The following RAB26 variants were observed in gnomAD, a reference collection of about 807,000 sequenced individuals.
RAB26 encodes the protein ras-related protein Rab-26.
RAB26 carries 39 observed loss-of-function variants against 33.1 expected under a neutral mutation model. That is an observed-to-expected ratio of 1.18 (90% CI 0.91 to 1.54). The LOEUF (loss-of-function observed/expected upper bound fraction) is 1.54, where lower values mean the gene tolerates loss of function less well. Ranked by LOEUF, RAB26 falls within the 40% of genes most tolerant of loss-of-function variation. The pLI, the probability that RAB26 is intolerant of heterozygous loss-of-function variation, is 0.00. For synonymous variants in RAB26, 192 were observed against 151.9 expected, an observed-to-expected ratio of 1.26 and a Z score of -1.94; for missense variants, 468 against 362.9, an observed-to-expected ratio of 1.29 and a Z score of -2.35.
Position 2,151,875 on chromosome 16 carries a change from T to A in RAB26, c.435T>A (p.Asp145Glu), listed in dbSNP as rs767417290. Residue 145 changes from aspartate to glutamate, a missense_variant, in exon 5 of 9, where the codon GAT becomes GAA. By Grantham distance (45) the Asp-to-Glu change is conservative (BLOSUM62 2). Transcript: ENST00000210187. ...CCCCAGCTCTGCTGCTGCTCTACGATGTCACCAACAAGGCCTCCTTTGACA... is the reference window on the plus strand; with the variant it reads ...CCCCAGCTCTGCTGCTGCTCTACGAAGTCACCAACAAGGCCTCCTTTGACA... ...RDAHALLLLY[D>E]VTNKASFDNI... 3 of 1,614,158 alleles carry A rather than the reference T, an allele frequency of 1.9e-6. No individual in the cohort carries two copies. Among genetic ancestry groups the A allele is most frequent in the Non-Finnish European group, 1.7e-6 (2 of 1,180,046 alleles).
intron 2 of RAB26, chr16:2,151,010 C>A (rs901980428): frequency 3.0e-6 from 1 of 329,944 alleles, no homozygotes; most frequent in Non-Finnish European, 6.0e-6. Flanking sequence ...TGGGAGGGCC[C>A]GGCTGGGGAC....
chr16:2,149,157 G>C lies in RAB26; in HGVS notation c.195+179G>C, dbSNP rs542845162. ...ACACACAGCTGTCCATCCCAGGTCT[G>C]GGGTATCCAACAGCTGGCAGGGCCT... On this transcript the variant is annotated intron_variant, in intron 1 of 8. Coordinates refer to ENST00000210187, the MANE Select transcript of RAB26 (RefSeq NM_014353.5). Among the ~76,000 whole-genome samples the C allele has an allele frequency of 7.2e-5, 11 of 152,198 alleles. No homozygotes were observed. The East Asian group carries it at 2.1e-3, about 30-fold the overall frequency.
Position 2,153,755 on chromosome 16 carries a change from G to A in RAB26, c.*334G>A, listed in dbSNP as rs779623560. On this transcript the variant is annotated 3_prime_UTR_variant, in exon 9 of 9. Transcript: ENST00000210187. ...GGCTGGGGCTGGCACCACGCACAGTGCCTAACCCTAGAAAAGCCATGTCTT... is the reference window on the plus strand; with the variant it reads ...GGCTGGGGCTGGCACCACGCACAGTACCTAACCCTAGAAAAGCCATGTCTT... The A allele has an allele frequency of 1.9e-5, 10 of 523,906 alleles. No individual in the cohort carries two copies. The highest frequency in any genetic ancestry group is 3.7e-5 in the Non-Finnish European group (10 of 272,168). The allele number at this position is 523,906 out of a possible 1,614,324, so 32.5% of individuals were successfully genotyped here.
intron 2 of RAB26, chr16:2,151,144 G>A: frequency 2.2e-6 from 1 of 455,668 alleles, no homozygotes; most frequent in South Asian, 1.6e-5. Context: ...GTCTCACTCT[G>A]TCGCCCTGGC....
rs1182035785 is a variant in RAB26, at chr16:2,153,554, A to C, written c.*133A>C. 3.1e-5 allele frequency: 25 copies of C among 806,528 alleles called. No homozygotes were observed. Among genetic ancestry groups the C allele is most frequent in the Non-Finnish European group, 5.0e-5 (25 of 503,630 alleles). The allele number at this position is 806,528 out of a possible 1,614,324, so 50.0% of individuals were successfully genotyped here. A position where few individuals can be genotyped will look rare whatever the true frequency, so the allele number is the denominator to read the frequency against. On this transcript the variant is annotated 3_prime_UTR_variant, in exon 9 of 9. Coordinates refer to ENST00000210187, the MANE Select transcript of RAB26 (RefSeq NM_014353.5). ...GTCTGTTTTCAGGAGCCCCAGGTCA[A>C]GCCTTGTCCCTTCCTCCTCCCAGCA...
In RAB26 at chr16:2,152,876, G is replaced by A; in HGVS notation, c.525G>A (p.Leu175=). 1 of 1,606,442 alleles carries A rather than the reference G, an allele frequency of 6.2e-7. No homozygotes were observed. Among genetic ancestry groups the A allele is most frequent in the Admixed American group, 1.7e-5 (1 of 58,960 alleles). ...YAQHDVALML[L]GNKVDSAHER... is the part of the protein sequence containing the mutation. ...AGCACGACGTGGCGCTCATGCTGCT[G>A]GGGAACAAGGTGGGAGGCCCGGCTG... Residue 175 remains leucine (L), a synonymous_variant, in exon 6 of 9, where the codon CTG becomes CTA. Coordinates refer to ENST00000210187, the MANE Select transcript of RAB26 (RefSeq NM_014353.5).
intron 2 of RAB26, 23 bp from the exon 3 acceptor site, chr16:2,151,546 C>A (rs749214003): frequency 1.2e-6 from 2 of 1,613,398 alleles, no homozygotes; most frequent in East Asian, 4.5e-5. Flanking sequence ...CATGCCAGAG[C>A]TGCCTGGTTC....
At chr16:2,149,878 C>A (rs2092998993) in intron 1 of RAB26, 63 bp from the exon 2 acceptor site, 3 of 1,304,410 alleles carry the variant, frequency 2.3e-6, no homozygotes, top group Middle Eastern at 2.5e-4. Context: ...CACCTGCAGC[C>A]CCCTTCTGAC....
intron 2 of RAB26, chr16:2,151,042 C>G (rs2093003260): frequency 5.7e-6 from 2 of 352,036 alleles, no homozygotes; most frequent in South Asian, 4.2e-5. Flanking sequence ...GTTCTGGGAT[C>G]TGCGGTTACT....
intron 2 of RAB26, among the ~76,000 whole-genome samples, chr16:2,150,644 C>G (rs2093001996): frequency 6.6e-6 from 1 of 152,258 alleles, no homozygotes; most frequent in Non-Finnish European, 1.5e-5. Flanking sequence ...CAAGTCCCCT[C>G]AAGTCCTCTG....
At position 2,151,629 on chromosome 16, in the gene RAB26, G is replaced by C. The variant is rs367971919; in HGVS notation, c.348+19G>C. On this transcript the variant is annotated intron_variant, in intron 3 of 8. Transcript: ENST00000210187. ...GCTGCAGGTAAGGTGACTGGCAGAGGACAAGTTGGGGGACAGGGGACACCA... is the reference window on the plus strand; with the variant it reads ...GCTGCAGGTAAGGTGACTGGCAGAGCACAAGTTGGGGGACAGGGGACACCA... The C allele has an allele frequency of 3.7e-6, 6 of 1,613,940 alleles. No homozygotes were observed. Among genetic ancestry groups the C allele is most frequent in the Non-Finnish European group, 5.1e-6 (6 of 1,180,040 alleles).
chr16:2,153,474 G>T lies in RAB26; in HGVS notation c.*53G>T. ...AAGCCGTCCAGTCCCTAGAAGGCTG[G>T]ACAGAGGGTCTCCAGGCCCTTCTGA... On this transcript the variant is annotated 3_prime_UTR_variant, in exon 9 of 9. Transcript: ENST00000210187. The T allele has an allele frequency of 1.3e-6, 2 of 1,544,918 alleles. No homozygotes were observed.
Position 2,152,820 on chromosome 16 carries a change from GC to G in RAB26, c.471del (p.Trp158GlyfsTer2). 1 of 1,605,310 alleles carries G rather than the reference GC, an allele frequency of 6.2e-7. No individual in the cohort carries two copies. Among genetic ancestry groups the G allele is most frequent in the Non-Finnish European group, 8.5e-7 (1 of 1,177,658 alleles). ...CAGCCTGGTCTGCTGCCTCCCACAG[GC>G]CTGGCTGACCGAGATCCACGAGTAC... ...TNKASFDNIQ[A>X]WLTEIHEYAQ... On this transcript the variant is annotated frameshift_variant and splice_region_variant, in exon 6 of 9. Transcript: ENST00000210187. LOFTEE classifies it high-confidence loss of function.
At chr16:2,149,918 C>A in intron 1 of RAB26, 23 bp from the exon 2 acceptor site, 1 of 1,503,988 alleles carries the variant, frequency 6.6e-7, no homozygotes, top group Non-Finnish European at 8.9e-7. Context: ...CCAGACTCCC[C>A]CCAACCCTCC....
upstream of RAB26, chr16:2,148,340 T>C (rs1012035593): frequency 1.3e-5 from 2 of 152,328 alleles, no homozygotes; most frequent in Admixed American, 6.5e-5. Flanking sequence ...GCGGTCCAGT[T>C]TGGGGGTCAC....
chr16:2,148,649 T>TGATGCCGCC lies in RAB26; in HGVS notation c.-134_-133insATGCCGCCG, dbSNP rs1555463724. ...GGCGCGAGCCGGGCGCCCGGGATGA[T>TGATGCCGCC]GCCGCCGCCGCCGCCGCCGCCGCCG... On this transcript the variant is annotated 5_prime_UTR_variant, in exon 1 of 9. It adds an upstream start codon to the 5' untranslated region. Transcript: ENST00000210187. 5.1e-6 allele frequency: 2 copies of TGATGCCGCC among 388,594 alleles called. No homozygotes were observed. Among genetic ancestry groups the TGATGCCGCC allele is most frequent in the African/African-American group, 2.2e-5 (1 of 44,738 alleles). The allele number at this position is 388,594 out of a possible 1,614,324, so 24.1% of individuals were successfully genotyped here.
At chr16:2,150,142 C>G (rs1219210389) in intron 2 of RAB26, 91 bp downstream of exon 2, 6 of 1,200,166 alleles carry the variant, frequency 5.0e-6, no homozygotes, top group Non-Finnish European at 5.8e-6. Context: ...CCAACAGGCT[C>G]GAGGCCTGGA....
intron 2 of RAB26, 134 bp from the exon 3 acceptor site, chr16:2,151,435 C>A: frequency 7.8e-7 from 1 of 1,283,462 alleles, no homozygotes; most frequent in Non-Finnish European, 1.1e-6. Flanking sequence ...GTCAAATTGG[C>A]TTAAGGGAAG....
intron 3 of RAB26, 38 bp from the exon 4 acceptor site, chr16:2,151,657 G>A (rs1457206218): frequency 3.7e-6 from 6 of 1,613,974 alleles, no homozygotes; most frequent in African/African-American, 1.3e-5. Flanking sequence ...GGACACCAGG[G>A]AAGGGCTGGA....
Sources: gnomAD v4.1 joint callset for allele counts (sites outside exome capture counted in the v4.1 genomes callset) on GRCh38, gnomAD v4.1.1 for gene constraint, MANE v1.5 for transcripts, NCBI Gene and HGNC (gene_info 2026-07-23, HGNC 2026-07-21) for gene names.